EVC: variants seen among roughly 807,000 people sequenced by gnomAD.
The protein encoded by EVC is EvC ciliary complex subunit 1, also known as evC complex member EVC.
A neutral mutation model predicts 118.9 loss-of-function variants in EVC; 116 were observed. The observed-to-expected ratio is 0.98, with a 90% CI of 0.84 to 1.14. The LOEUF (loss-of-function observed/expected upper bound fraction) is 1.14, where lower values mean the gene tolerates loss of function less well. EVC is among the 50% of genes most tolerant of loss of function. The pLI, the probability that EVC is intolerant of heterozygous loss-of-function variation, is 0.00. For missense variants in EVC, 1,401 were observed against 1,246.4 expected (o/e 1.12, Z -1.87); for synonymous variants, 619 against 534.7 (o/e 1.16, Z -2.18).
At chr4:5,765,914 A>G (rs535197134) in intron 11 of EVC, among the ~76,000 whole-genome samples, 2 of 140,784 alleles carry the variant, frequency 1.4e-5, no homozygotes, top group Admixed American at 1.4e-4. Context: ...TTTAAAGTTA[A>G]TATTGTTATG....
At chr4:5,779,234 G>T (rs1452482641) in intron 11 of EVC, among the ~76,000 whole-genome samples, 2 of 152,072 alleles carry the variant, frequency 1.3e-5, no homozygotes, top group Admixed American at 6.6e-5. Context: ...TGCTGTTTTG[G>T]TTACTGTAGC....
chr4:5,811,557 A>G lies in EVC; in HGVS notation c.*520A>G. The G allele has an allele frequency of 5.4e-6, 1 of 185,580 alleles. No homozygotes were observed. The highest frequency in any genetic ancestry group is 1.1e-4 in the South Asian group (1 of 8,826). The allele number at this position is 185,580 out of a possible 1,614,324, so 11.5% of individuals were successfully genotyped here. On this transcript the variant is annotated 3_prime_UTR_variant, in exon 21 of 21. Coordinates refer to ENST00000264956, the MANE Select transcript of EVC (RefSeq NM_153717.3). ...CAGTAGACACCCTGCCCGTGCAGAGAGATGTCATGGGGGCACCTGCTCTCC... is the reference window on the plus strand; with the variant it reads ...CAGTAGACACCCTGCCCGTGCAGAGGGATGTCATGGGGGCACCTGCTCTCC...
In EVC at chr4:5,783,970, C is replaced by G. The variant is rs2878427; in HGVS notation, c.1776+206C>G. Reference sequence around the variant, plus strand: ...TCTCCCTCAACAGGAAGTCGGAGATCATACCTTAAGTTGATCGATTAAGAA... The same window carrying G: ...TCTCCCTCAACAGGAAGTCGGAGATGATACCTTAAGTTGATCGATTAAGAA... On this transcript the variant is annotated intron_variant, in intron 12 of 20. Transcript: ENST00000264956. 0.49 allele frequency among the ~76,000 whole-genome samples: 73,809 copies of G among 151,920 alleles called. 18,428 individuals are homozygous for G. The highest frequency in any genetic ancestry group is 0.58 in the African/African-American group (24,164 of 41,380).
intron 11 of EVC, among the ~76,000 whole-genome samples, chr4:5,783,106 G>T (rs918737425): frequency 6.6e-6 from 1 of 152,016 alleles, no homozygotes; most frequent in Non-Finnish European, 1.5e-5. Flanking sequence ...GTGTGTGTAG[G>T]AGTGTGTCTA....
At chr4:5,817,242 T>C (rs912144018), downstream of EVC, among the ~76,000 whole-genome samples, 5 of 152,210 alleles carry the variant, frequency 3.3e-5, no homozygotes, top group African/African-American at 1.2e-4. Flanking sequence ...GCAGTGGCTA[T>C]AGAGGCTTCC....
the EVC span, chr4:5,827,940 C>T: frequency 2.9e-6 from 2 of 680,134 alleles, no homozygotes; most frequent in Non-Finnish European, 3.6e-6. Context: ...GACAGATGTC[C>T]TGAGGTCAGT....
At chr4:5,825,467 G>A in the EVC span, 7 of 1,541,872 alleles carry the variant, frequency 4.5e-6, no homozygotes, top group Non-Finnish European at 6.1e-6. The surrounding 1 kb of genome is among the most constrained non-coding windows in gnomAD (Gnocchi z 4.4). Flanking sequence ...GCAATTGTGG[G>A]GAGCCTGGGC....
chr4:5,768,549 C>T (rs1250481406), intron 11 of EVC, among the ~76,000 whole-genome samples: 2 of 152,052 alleles, frequency 1.3e-5, no homozygotes, highest in Non-Finnish European at 1.5e-5. Context: ...GTGTTGGGCA[C>T]ACACTGATAC....
chr4:5,773,011 A>T (rs1734218712), intron 11 of EVC, among the ~76,000 whole-genome samples: 1 of 152,056 alleles, frequency 6.6e-6, no homozygotes, highest in South Asian at 2.1e-4. Flanking sequence ...TGGGGGGAGC[A>T]TGTGTGCACT....
At chr4:5,744,427 C>T (rs1166358614) in intron 6 of EVC, among the ~76,000 whole-genome samples, 2 of 152,206 alleles carry the variant, frequency 1.3e-5, no homozygotes, top group East Asian at 3.8e-4. Flanking sequence ...GAAAATAGAA[C>T]TGCCTCCCAC....
At chr4:5,730,179 C>G (rs1726556810) in intron 3 of EVC, among the ~76,000 whole-genome samples, 1 of 152,098 alleles carries the variant, frequency 6.6e-6, no homozygotes, top group South Asian at 2.1e-4. Flanking sequence ...GTGCTCCTGC[C>G]TCGCCCAGTT....
rs1560317127 is a variant in EVC at position 5,742,350 on chromosome 4, C to A, written c.801+536C>A. ...AGAGAGATGTGTATGATACACCTAG[C>A]AATGTCATAGTTGGCTGTGAATATG... is the stretch of plus-strand genomic sequence containing the variant. On this transcript the variant is annotated intron_variant, in intron 6 of 20. Coordinates refer to ENST00000264956, the MANE Select transcript of EVC (RefSeq NM_153717.3). This position sits in a 1 kb window ranked among gnomAD's most constrained non-coding sequence, Gnocchi z 5.2. Among the ~76,000 whole-genome samples the A allele has an allele frequency of 6.6e-6, 1 of 152,152 alleles. No individual in the cohort carries two copies. Among genetic ancestry groups the A allele is most frequent in the South Asian group, 2.1e-4 (1 of 4,820 alleles).
chr4:5,772,831 G>A (rs999462444), intron 11 of EVC, among the ~76,000 whole-genome samples: 1 of 152,078 alleles, frequency 6.6e-6, no homozygotes, highest in Non-Finnish European at 1.5e-5. Context: ...TCCCACCCCA[G>A]TGCCTGAAAC....
chr4:5,733,709 G>A (rs928243937), intron 5 of EVC, among the ~76,000 whole-genome samples: 6 of 152,164 alleles, frequency 3.9e-5, no homozygotes, highest in Admixed American at 3.3e-4. Flanking sequence ...ACCTCCTGCT[G>A]GAGATAGAGA....
chr4:5,735,015 C>T (rs367628214), intron 5 of EVC, among the ~76,000 whole-genome samples: 2 of 152,154 alleles, frequency 1.3e-5, no homozygotes, highest in Non-Finnish European at 2.9e-5. Flanking sequence ...CAGCGAGTGT[C>T]CACAGGGAGC....
At chr4:5,817,757 T>C (rs1439551841), downstream of EVC, among the ~76,000 whole-genome samples, 1 of 151,966 alleles carries the variant, frequency 6.6e-6, no homozygotes, top group Non-Finnish European at 1.5e-5. Flanking sequence ...CTCTGTTGAG[T>C]CTATAGAGAT....
chr4:5,753,125 G>A, intron 9 of EVC, 73 bp downstream of exon 9: 2 of 1,395,480 alleles, frequency 1.4e-6, no homozygotes, highest in Non-Finnish European at 2.0e-6. Context: ...CAGTGAGAGG[G>A]CTGGCAGCCT....
chr4:5,782,834 A>C (rs1330552422), intron 11 of EVC, among the ~76,000 whole-genome samples: 1 of 152,142 alleles, frequency 6.6e-6, no homozygotes, highest in East Asian at 1.9e-4. Flanking sequence ...TCACTTAAGC[A>C]TGGAGGGTGG....
chr4:5,818,938 A>T (rs373068630), downstream of EVC, among the ~76,000 whole-genome samples: 4 of 152,190 alleles, frequency 2.6e-5, no homozygotes, highest in Admixed American at 2.6e-4. Context: ...TACCCCACCC[A>T]CCTTCACCCA....
Sources: gnomAD v4.1 joint callset for allele counts (sites outside exome capture counted in the v4.1 genomes callset) on GRCh38, gnomAD v4.1.1 for gene constraint, Gnocchi (gnomAD v3.1) non-coding constraint, MANE v1.5 for transcripts, NCBI Gene and HGNC (gene_info 2026-07-23, HGNC 2026-07-21) for gene names.